Variants in CDH20 observed in about 807,000 individuals in gnomAD.
The protein encoded by CDH20 is cadherin 20, also known as cadherin-20.
A neutral mutation model predicts 74.2 loss-of-function variants in CDH20; 29 were observed. That is an observed-to-expected ratio of 0.39 (90% CI 0.29 to 0.53). CDH20 has a LOEUF of 0.53. Ranked by LOEUF, CDH20 falls within the 20% of genes least tolerant of loss-of-function variation. The probability of loss-of-function intolerance (pLI) is 0.69; values close to 1 mark genes in which losing one functional copy is unlikely to be tolerated. For missense variants in CDH20, 988 were observed against 1,048.3 expected, an observed-to-expected ratio of 0.94 and a Z score of 0.79; for synonymous variants, 469 against 405.4, an observed-to-expected ratio of 1.16 and a Z score of -1.88.
intron 6 of CDH20, among the ~76,000 whole-genome samples, chr18:61,526,239 C>T (rs188484155): frequency 7.3e-5 from 11 of 150,540 alleles, no homozygotes; most frequent in Admixed American, 1.3e-4. Flanking sequence ...AGTGATTCTC[C>T]TGCCTCAGCC....
Position 61,539,012 on chromosome 18 carries a change from T to C in CDH20, c.1409-12T>C. The C allele has an allele frequency of 6.2e-7, 1 of 1,610,398 alleles. No homozygotes were observed. The highest frequency in any genetic ancestry group is 8.5e-7 in the Non-Finnish European group (1 of 1,179,096). ...AAACTCTCAGATTTGGTTTTCCTTG[T>C]GTTCCCTTTAGACAATCCCTCCCAG... On this transcript the variant is annotated splice_polypyrimidine_tract_variant and intron_variant, in intron 8 of 11. Coordinates refer to ENST00000262717, the MANE Select transcript of CDH20 (RefSeq NM_031891.4).
intron 1 of CDH20, among the ~76,000 whole-genome samples, chr18:61,352,051 C>G (rs770482522): frequency 3.9e-5 from 6 of 152,150 alleles, no homozygotes; most frequent in Non-Finnish European, 7.3e-5. Flanking sequence ...CTGCCCACTC[C>G]CTCCTTGGAG....
At chr18:61,486,439 T>C (rs1190790081) in intron 1 of CDH20, among the ~76,000 whole-genome samples, 1 of 152,210 alleles carries the variant, frequency 6.6e-6, no homozygotes, top group Non-Finnish European at 1.5e-5. Context: ...CCTGTGTCAT[T>C]CTCTGGGGTT....
At chr18:61,517,754 A>G (rs1223206261) in intron 6 of CDH20, among the ~76,000 whole-genome samples, 5 of 151,984 alleles carry the variant, frequency 3.3e-5, no homozygotes, top group Non-Finnish European at 5.9e-5. Flanking sequence ...GGCACCTGGA[A>G]TGCCAGTGAG....
chr18:61,484,835 G>A (rs1468183970), intron 1 of CDH20, among the ~76,000 whole-genome samples: 1 of 151,380 alleles, frequency 6.6e-6, no homozygotes, highest in Non-Finnish European at 1.5e-5. Flanking sequence ...CTGCAATTAA[G>A]CTACTGTTTA....
intron 8 of CDH20, 55 bp from the exon 9 acceptor site, chr18:61,538,969 T>A: frequency 6.3e-7 from 1 of 1,596,166 alleles, no homozygotes; most frequent in Non-Finnish European, 8.5e-7. Flanking sequence ...TTACTCTTTT[T>A]TTTCTTTTGG....
At chr18:61,365,167 G>T (rs1340890868) in intron 1 of CDH20, among the ~76,000 whole-genome samples, 6 of 152,156 alleles carry the variant, frequency 3.9e-5, no homozygotes, top group African/African-American at 1.4e-4. Context: ...ACACAGAGGA[G>T]GTGATCAATA....
rs1912169906 is a variant in CDH20 at position 61,520,581 on chromosome 18, A to G, written c.1018-7386A>G. Among the ~76,000 whole-genome samples, 2 of 137,398 alleles carry G rather than the reference A, an allele frequency of 1.5e-5. 1 individual carries two copies. The highest frequency in any genetic ancestry group is 4.8e-4 in the South Asian group (2 of 4,180). The allele number at this position is 137,398 out of a possible 152,430, so 90.1% of individuals were successfully genotyped here. A position where few individuals can be genotyped will look rare whatever the true frequency, so the allele number is the denominator to read the frequency against. On this transcript the variant is annotated intron_variant, in intron 6 of 11. Coordinates refer to ENST00000262717, the MANE Select transcript of CDH20 (RefSeq NM_031891.4). ...CAGGACTTGAACTCAGCTCTGGACC[A>G]AGCAGACCTAATAGACCTCTACAGA... is the stretch of plus-strand genomic sequence containing the variant.
chr18:61,426,364 A>G (rs958508882), intron 1 of CDH20, among the ~76,000 whole-genome samples: 2 of 152,192 alleles, frequency 1.3e-5, no homozygotes, highest in East Asian at 3.9e-4. Context: ...GGCAAAGGAC[A>G]TAAAATTTAG....
intron 9 of CDH20, among the ~76,000 whole-genome samples, chr18:61,540,637 C>T (rs1440323170): frequency 6.6e-6 from 1 of 152,122 alleles, no homozygotes; most frequent in African/African-American, 2.4e-5. Context: ...AGGTCCCTCC[C>T]ACAACATGTG....
chr18:61,383,322 T>A (rs1201596146), intron 1 of CDH20, among the ~76,000 whole-genome samples: 1 of 152,174 alleles, frequency 6.6e-6, no homozygotes, highest in African/African-American at 2.4e-5. Flanking sequence ...GGCTCATGCC[T>A]GTAATCTCAG....
At chr18:61,384,272 T>A (rs1911526281) in intron 1 of CDH20, among the ~76,000 whole-genome samples, 1 of 152,224 alleles carries the variant, frequency 6.6e-6, no homozygotes, top group African/African-American at 2.4e-5. Context: ...TTCATAACTT[T>A]TTCATTGTAT....
Position 61,554,724 on chromosome 18 carries a change from A to C in CDH20, c.*29A>C. On this transcript the variant is annotated 3_prime_UTR_variant, in exon 12 of 12. Coordinates refer to ENST00000262717, the MANE Select transcript of CDH20 (RefSeq NM_031891.4). ...AAGCCAGGAGGCAGGCGCGCGTCCA[A>C]ATCCAGACGTTCTCCGCGGGTGCTT... 2.6e-6 allele frequency: 4 copies of C among 1,514,620 alleles called. No homozygotes were observed. Among genetic ancestry groups the C allele is most frequent in the Non-Finnish European group, 3.5e-6 (4 of 1,131,326 alleles). 93.8% of individuals were successfully genotyped at this position (1,514,620 alleles called of 1,614,324 possible).
At chr18:61,528,919 T>G (rs1416588395) in intron 7 of CDH20, among the ~76,000 whole-genome samples, 1 of 152,220 alleles carries the variant, frequency 6.6e-6, no homozygotes, top group African/African-American at 2.4e-5. Flanking sequence ...TGTCAGCAAC[T>G]TCAATGCCTT....
At chr18:61,432,661 G>A (rs1474888507) in intron 1 of CDH20, among the ~76,000 whole-genome samples, 1 of 152,110 alleles carries the variant, frequency 6.6e-6, no homozygotes, top group Non-Finnish European at 1.5e-5. Flanking sequence ...TGCATTCAAT[G>A]CCACCCCTAG....
chr18:61,468,052 G>C (rs1025226807), intron 1 of CDH20, among the ~76,000 whole-genome samples: 1 of 152,200 alleles, frequency 6.6e-6, no homozygotes, highest in Non-Finnish European at 1.5e-5. Context: ...CAGTGGAGCA[G>C]AGGTTAGAAC....
intron 1 of CDH20, among the ~76,000 whole-genome samples, chr18:61,437,769 C>T (rs907069432): frequency 3.3e-5 from 5 of 152,142 alleles, no homozygotes; most frequent in Non-Finnish European, 5.9e-5. Flanking sequence ...ATTACAGTGA[C>T]TAGGTTCATT....
At chr18:61,525,648 G>A (rs928426978) in intron 6 of CDH20, among the ~76,000 whole-genome samples, 1 of 151,948 alleles carries the variant, frequency 6.6e-6, no homozygotes, top group African/African-American at 2.4e-5. Context: ...TCATGAAACG[G>A]GAAGCACTAT....
At chr18:61,513,796 AT>A (rs1395406861) in intron 6 of CDH20, among the ~76,000 whole-genome samples, 6 of 151,648 alleles carry the variant, frequency 4.0e-5, no homozygotes, top group African/African-American at 1.5e-4. Context: ...TGGGTTGAAA[AT>A]TTTTTTCTTT....
Sources: gnomAD v4.1 joint callset for allele counts (sites outside exome capture counted in the v4.1 genomes callset) on GRCh38, gnomAD v4.1.1 for gene constraint, MANE v1.5 for transcripts, NCBI Gene and HGNC (gene_info 2026-07-23, HGNC 2026-07-21) for gene names.